Variants in NBEA observed in about 807,000 individuals in gnomAD.
The protein encoded by NBEA is neurobeachin, also known as lysosomal-trafficking regulator 2.
A neutral mutation model predicts 343.4 loss-of-function variants in NBEA; 44 were observed. The observed-to-expected ratio is 0.13, with a 90% confidence interval of 0.10 to 0.16. The LOEUF (loss-of-function observed/expected upper bound fraction) is 0.16, where lower values mean the gene tolerates loss of function less well. NBEA is among the 10% of genes least tolerant of loss of function. NBEA has a pLI of 1.00. For missense variants in NBEA, 2,555 were observed against 3,631.3 expected (o/e 0.70, Z 7.62); for synonymous variants, 1,175 against 1,238.7 (o/e 0.95, Z 1.08).
rs144125079 is a variant in NBEA at position 35,304,335 on chromosome 13, G to C, written c.5839-5193G>C. Reference sequence around the variant, plus strand: ...TGCCTTGACAAAAGCAATTCTCTGTGTGTGTGTGTGTGTGTGTGTGTGTAT... The same window carrying C: ...TGCCTTGACAAAAGCAATTCTCTGTCTGTGTGTGTGTGTGTGTGTGTGTAT... On this transcript the variant is annotated intron_variant, in intron 35 of 58. Coordinates refer to ENST00000379939, the MANE Select transcript of NBEA (RefSeq NM_001385012.1). 3.6e-3 allele frequency among the ~76,000 whole-genome samples: 547 copies of C among 150,008 alleles called. 1 individual carries two copies. Among genetic ancestry groups the C allele is most frequent in the Admixed American group, 0.017 (250 of 14,990 alleles).
intron 1 of NBEA, among the ~76,000 whole-genome samples, chr13:35,016,225 G>A (rs1287720565): frequency 6.6e-6 from 1 of 152,006 alleles, no homozygotes; most frequent in African/African-American, 2.4e-5. Flanking sequence ...TTTGCCATAT[G>A]TGTATGTGTG....
intron 49 of NBEA, among the ~76,000 whole-genome samples, chr13:35,639,957 A>G (rs1236613994): frequency 8.3e-6 from 1 of 121,020 alleles, no homozygotes; most frequent in Non-Finnish European, 1.6e-5. Flanking sequence ...TACATTTACC[A>G]AAAAAAAAAA....
rs1477869009 is a variant in NBEA, at chr13:35,195,844, CCT to C, written c.4928-19_4928-18del. 28 of 1,538,766 alleles carry C rather than the reference CCT, an allele frequency of 1.8e-5. No individual in the cohort carries two copies. The Admixed American group carries it at 4.2e-4, about 23-fold the overall frequency. On this transcript the variant is annotated intron_variant, in intron 30 of 58. Transcript: ENST00000379939. ...TTTTACTTTCAAAGCTTTTTTCTAA[CCT>C]AGTTTCTTTCATTACAGAAACACCT...
intron 1 of NBEA, among the ~76,000 whole-genome samples, chr13:34,987,456 C>A (rs1189160234): frequency 1.3e-5 from 2 of 150,794 alleles, no homozygotes; most frequent in Non-Finnish European, 3.0e-5. Context: ...CTTGCTAAAT[C>A]TGACAATTAT....
chr13:35,110,640 AT>A (rs2066156203), intron 12 of NBEA, among the ~76,000 whole-genome samples, 169 bp from the exon 13 acceptor site: 2 of 152,090 alleles, frequency 1.3e-5, no homozygotes, highest in Non-Finnish European at 2.9e-5. Flanking sequence ...CAGATTATAT[AT>A]TTTTTAAATA....
At chr13:35,577,622 T>G (rs3829373) in intron 45 of NBEA, among the ~76,000 whole-genome samples, 16,082 of 151,984 alleles carry the variant, frequency 0.11, 1,033 homozygotes, top group African/African-American at 0.18. Flanking sequence ...AAAATTTTTT[T>G]CTAAAATTTC....
intron 48 of NBEA, among the ~76,000 whole-genome samples, chr13:35,612,287 C>T (rs2082554054): frequency 6.6e-6 from 1 of 152,098 alleles, no homozygotes; most frequent in South Asian, 2.1e-4. Flanking sequence ...CGCTCGCCAC[C>T]ACGCCCGGCT....
At chr13:35,247,542 C>T (rs1276486113) in intron 34 of NBEA, among the ~76,000 whole-genome samples, 19 of 152,042 alleles carry the variant, frequency 1.2e-4, no homozygotes, top group Admixed American at 1.2e-3. Context: ...TTCCAGTGAT[C>T]TAGACCCTCA....
intron 34 of NBEA, among the ~76,000 whole-genome samples, chr13:35,282,713 C>T (rs1327524368): frequency 1.3e-5 from 2 of 152,104 alleles, no homozygotes; most frequent in Non-Finnish European, 2.9e-5. Flanking sequence ...ATAAAAGTAT[C>T]TCATTCAATT....
chr13:35,451,155 A>G (rs563345873), intron 39 of NBEA, among the ~76,000 whole-genome samples: 7 of 151,878 alleles, frequency 4.6e-5, no homozygotes, highest in Non-Finnish European at 8.8e-5. Flanking sequence ...AGGGAGTCTC[A>G]CTCTGTCGCC....
chr13:35,106,846 C>T (rs2065942036), intron 11 of NBEA, among the ~76,000 whole-genome samples: 1 of 151,378 alleles, frequency 6.6e-6, no homozygotes, highest in Non-Finnish European at 1.5e-5. Context: ...AAGTTCCAAA[C>T]TTGTTTCTAT....
chr13:34,992,517 T>C (rs1201365989), intron 1 of NBEA, among the ~76,000 whole-genome samples: 1 of 151,180 alleles, frequency 6.6e-6, no homozygotes, highest in Non-Finnish European at 1.5e-5. Flanking sequence ...CAAATAATTT[T>C]GGAATCTGTA....
At chr13:35,361,578 A>G (rs1160085441) in intron 38 of NBEA, among the ~76,000 whole-genome samples, 1 of 152,212 alleles carries the variant, frequency 6.6e-6, no homozygotes, top group African/African-American at 2.4e-5. Flanking sequence ...ATGTAACACC[A>G]TAAAACTTCT....
chr13:35,306,033 T>C (rs1675546379), intron 35 of NBEA, among the ~76,000 whole-genome samples: 1 of 152,192 alleles, frequency 6.6e-6, no homozygotes, highest in African/African-American at 2.4e-5. Context: ...CAAATGAAAG[T>C]ATCTGATGTC....
chr13:35,510,909 A>T (rs1224550244), intron 41 of NBEA, among the ~76,000 whole-genome samples: 1 of 152,168 alleles, frequency 6.6e-6, no homozygotes, highest in Non-Finnish European at 1.5e-5. Flanking sequence ...GCCACCACAC[A>T]TCATGCCATC....
chr13:35,467,402 C>T (rs763271834), intron 40 of NBEA, among the ~76,000 whole-genome samples: 4 of 151,690 alleles, frequency 2.6e-5, no homozygotes, highest in African/African-American at 7.3e-5. Context: ...AACCGGGAGG[C>T]GGAGCTTGCA....
intron 36 of NBEA, among the ~76,000 whole-genome samples, chr13:35,315,030 T>A (rs1236040930): frequency 2.0e-5 from 3 of 152,220 alleles, no homozygotes; most frequent in African/African-American, 7.2e-5. Flanking sequence ...GAAGCACAAA[T>A]TAAATATTTT....
At chr13:35,645,832 T>C (rs2084200787) in intron 49 of NBEA, 37 bp from the exon 50 acceptor site, 2 of 1,290,168 alleles carry the variant, frequency 1.6e-6, no homozygotes, top group South Asian at 2.6e-5. Context: ...GTATAATTGG[T>C]AGACTTCATG....
At chr13:35,371,791 T>C (rs1262715270) in intron 38 of NBEA, among the ~76,000 whole-genome samples, 1 of 152,190 alleles carries the variant, frequency 6.6e-6, no homozygotes, top group Non-Finnish European at 1.5e-5. Context: ...AAGATATGTC[T>C]GTGGTGTTTG....
Sources: allele counts gnomAD v4.1 joint callset (sites outside exome capture counted in the v4.1 genomes callset), GRCh38; gene constraint gnomAD v4.1.1; transcripts MANE v1.5; gene names NCBI Gene and HGNC (gene_info 2026-07-23, HGNC 2026-07-21).